MGAT4C: variants seen among roughly 807,000 people sequenced by gnomAD.
The protein encoded by MGAT4C is alpha-1,3-mannosyl-glycoprotein 4-beta-N-acetylglucosaminyltransferase C.
In MGAT4C, 19 loss-of-function variants were observed where a neutral mutation model predicts 40.1. The ratio of observed to expected loss-of-function variants is 0.47; its 90% CI spans 0.33 to 0.70. MGAT4C has a LOEUF of 0.70. Ranked by LOEUF, MGAT4C falls within the 30% of genes least tolerant of loss-of-function variation. The probability of loss-of-function intolerance (pLI) is 0.02; values close to 1 mark genes in which losing one functional copy is unlikely to be tolerated. For missense variants in MGAT4C, 491 were observed against 563.2 expected (o/e 0.87, Z 1.30); for synonymous variants, 181 against 187.1 (o/e 0.97, Z 0.27).
At chr12:86,293,102 G>A (rs1447022629) in intron 4 of MGAT4C, among the ~76,000 whole-genome samples, 2 of 152,102 alleles carry the variant, frequency 1.3e-5, no homozygotes, top group Non-Finnish European at 2.9e-5. Flanking sequence ...CAGATATGCT[G>A]TTTAGCGCTG....
chr12:86,111,916 G>GTCA (rs1877485462), intron 1 of MGAT4C, among the ~76,000 whole-genome samples: 1 of 151,794 alleles, frequency 6.6e-6, no homozygotes, highest in Non-Finnish European at 1.5e-5. Context: ...TGTATCACCA[G>GTCA]TCATTTCAAT....
intron 2 of MGAT4C, among the ~76,000 whole-genome samples, chr12:86,642,936 T>C (rs1963433345): frequency 6.6e-6 from 1 of 151,922 alleles, no homozygotes; most frequent in Non-Finnish European, 1.5e-5. Flanking sequence ...TAAAATGATG[T>C]AACTGCTTAG....
intron 1 of MGAT4C, among the ~76,000 whole-genome samples, chr12:86,099,381 C>A (rs1393559592): frequency 1.1e-5 from 1 of 94,926 alleles, no homozygotes; most frequent in Non-Finnish European, 2.3e-5. Flanking sequence ...TAATTTCTTT[C>A]TTTTGGGGGG....
intron 2 of MGAT4C, among the ~76,000 whole-genome samples, chr12:86,679,499 T>C (rs1949940066): frequency 6.6e-6 from 1 of 151,984 alleles, no homozygotes; most frequent in Admixed American, 6.6e-5. Flanking sequence ...TATGACAAGA[T>C]TGTTCTTTCT....
Position 85,959,980 on chromosome 12 carries a change from C to G in MGAT4C, c.*19309G>C, listed in dbSNP as rs1883023261. ...GAAGATAATATCCTATTCTCCTTTTCTTATGGTTTTATTGTGAAGATCTGT... is the reference window on the plus strand; with the variant it reads ...GAAGATAATATCCTATTCTCCTTTTGTTATGGTTTTATTGTGAAGATCTGT... On this transcript the variant is annotated 3_prime_UTR_variant, in exon 5 of 5. Coordinates refer to ENST00000611864, the MANE Select transcript of MGAT4C (RefSeq NM_001351288.2). The G allele has an allele frequency of 1.3e-5, 2 of 151,864 alleles. No individual in the cohort carries two copies. The allele number at this position is 151,864 out of a possible 1,614,324, so 9.4% of individuals were successfully genotyped here.
intron 3 of MGAT4C, among the ~76,000 whole-genome samples, chr12:85,987,368 A>C (rs1885365085): frequency 6.6e-6 from 1 of 151,056 alleles, no homozygotes; most frequent in Non-Finnish European, 1.5e-5. Flanking sequence ...CGATCTCCTG[A>C]CCTCGTGATC....
intron 2 of MGAT4C, among the ~76,000 whole-genome samples, chr12:86,501,556 C>T (rs900458004): frequency 7.9e-6 from 1 of 125,832 alleles, no homozygotes; most frequent in Non-Finnish European, 1.6e-5. Flanking sequence ...CATGTGTTCT[C>T]ACTGTTCATA....
intron 2 of MGAT4C, among the ~76,000 whole-genome samples, chr12:86,522,052 G>A (rs1221062746): frequency 3.9e-5 from 6 of 152,032 alleles, no homozygotes; most frequent in African/African-American, 1.2e-4. Flanking sequence ...CTGCAAACCG[G>A]GATAGTTTCA....
intron 2 of MGAT4C, among the ~76,000 whole-genome samples, chr12:86,589,165 T>A (rs1476216656): frequency 6.6e-6 from 1 of 150,726 alleles, no homozygotes; most frequent in Non-Finnish European, 1.5e-5. Context: ...GCAAGACTAA[T>A]AAAGAAAAAA....
chr12:86,600,836 C>G (rs994495432), intron 2 of MGAT4C, among the ~76,000 whole-genome samples: 4 of 152,242 alleles, frequency 2.6e-5, no homozygotes, highest in Non-Finnish European at 5.9e-5. Flanking sequence ...CATCCCTGTA[C>G]TCTCGGGGCC....
intron 2 of MGAT4C, among the ~76,000 whole-genome samples, chr12:86,513,845 C>A (rs1265648805): frequency 1.3e-5 from 2 of 151,982 alleles, no homozygotes; most frequent in South Asian, 2.1e-4. Flanking sequence ...TTGCCTTTAT[C>A]CCCTCTCTTC....
At chr12:86,416,570 G>A (rs1956720516) in intron 3 of MGAT4C, among the ~76,000 whole-genome samples, 1 of 151,998 alleles carries the variant, frequency 6.6e-6, no homozygotes, top group African/African-American at 2.4e-5. Flanking sequence ...ATTTGGCCAG[G>A]TTAAGGTGCA....
At chr12:86,080,326 A>G (rs1870590310) in intron 1 of MGAT4C, among the ~76,000 whole-genome samples, 1 of 152,144 alleles carries the variant, frequency 6.6e-6, no homozygotes, top group Non-Finnish European at 1.5e-5. Flanking sequence ...GTATTATTTT[A>G]ACCCCTAGTA....
Position 85,969,955 on chromosome 12 carries a change from T to G in MGAT4C, c.*9334A>C, listed in dbSNP as rs80286479. 2.0e-5 allele frequency: 3 copies of G among 151,476 alleles called. No individual in the cohort carries two copies. Among genetic ancestry groups the G allele is most frequent in the Admixed American group, 6.6e-5 (1 of 15,162 alleles). 9.4% of individuals were successfully genotyped at this position (151,476 alleles called of 1,614,324 possible). A position where few individuals can be genotyped will look rare whatever the true frequency, so the allele number is the denominator to read the frequency against. On this transcript the variant is annotated 3_prime_UTR_variant, in exon 5 of 5. Transcript: ENST00000611864. ...CTCATAGTTGCTTGGAACATATTTA[T>G]GTAGTAAGCATTGTTCTTGGCTGAG...
intron 1 of MGAT4C, among the ~76,000 whole-genome samples, chr12:86,770,422 T>A (rs1951611030): frequency 6.6e-6 from 1 of 152,214 alleles, no homozygotes; most frequent in African/African-American, 2.4e-5. Flanking sequence ...TTGTTTGCAT[T>A]TTGTTAAATA....
At chr12:86,212,222 G>A (rs933664707) in intron 1 of MGAT4C, among the ~76,000 whole-genome samples, 3 of 152,002 alleles carry the variant, frequency 2.0e-5, no homozygotes, top group Admixed American at 6.6e-5. Context: ...ATAGCATCCC[G>A]CCAAATTACC....
intron 4 of MGAT4C, among the ~76,000 whole-genome samples, chr12:86,275,967 A>AG (rs1393488485): frequency 7.6e-5 from 11 of 144,210 alleles, no homozygotes; most frequent in Non-Finnish European, 1.5e-4. Flanking sequence ...AAAAAAAAAA[A>AG]AAAAAATTAG....
At chr12:86,627,176 C>T (rs1476774538) in intron 2 of MGAT4C, among the ~76,000 whole-genome samples, 1 of 151,942 alleles carries the variant, frequency 6.6e-6, no homozygotes, top group African/African-American at 2.4e-5. Context: ...GGAGGGGCAT[C>T]CACCATTGCT....
intron 4 of MGAT4C, among the ~76,000 whole-genome samples, chr12:86,297,262 T>C (rs1301572436): frequency 6.6e-6 from 1 of 152,176 alleles, no homozygotes; most frequent in Non-Finnish European, 1.5e-5. Flanking sequence ...AGAATCATAA[T>C]AATTATGTCC....
Sources: allele counts gnomAD v4.1 joint callset (sites outside exome capture counted in the v4.1 genomes callset), GRCh38; gene constraint gnomAD v4.1.1; transcripts MANE v1.5; gene names NCBI Gene and HGNC (gene_info 2026-07-23, HGNC 2026-07-21).